PHLPP1: variants seen among roughly 807,000 people sequenced by gnomAD.
PHLPP1 encodes the protein PH domain leucine-rich repeat-containing protein phosphatase 1.
PHLPP1 carries 42 observed loss-of-function variants against 117.2 expected under a neutral mutation model. The ratio of observed to expected loss-of-function variants is 0.36; its 90% CI spans 0.28 to 0.46. PHLPP1 has a LOEUF of 0.46. Ranked by LOEUF, PHLPP1 falls within the 20% of genes least tolerant of loss-of-function variation. The pLI, the probability that PHLPP1 is intolerant of heterozygous loss-of-function variation, is 1.00. For missense variants in PHLPP1, 2,084 were observed against 2,241.9 expected, an observed-to-expected ratio of 0.93 and a Z score of 1.42; for synonymous variants, 1,042 against 970.7, an observed-to-expected ratio of 1.07 and a Z score of -1.37.
At chr18:62,868,000 C>T (rs114186063) in intron 4 of PHLPP1, among the ~76,000 whole-genome samples, 5 of 151,966 alleles carry the variant, frequency 3.3e-5, no homozygotes, top group African/African-American at 1.2e-4. Context: ...TTAGTGGAGA[C>T]AAGGTTTCAC....
At chr18:62,745,051 C>T (rs1394847708) in intron 1 of PHLPP1, among the ~76,000 whole-genome samples, 1 of 152,116 alleles carries the variant, frequency 6.6e-6, no homozygotes, top group Non-Finnish European at 1.5e-5. Flanking sequence ...TGTTTTAAAA[C>T]CTGGCATTTG....
chr18:62,947,808 A>G (rs1170633216), intron 12 of PHLPP1, among the ~76,000 whole-genome samples: 2 of 151,848 alleles, frequency 1.3e-5, no homozygotes, highest in Non-Finnish European at 2.9e-5. Context: ...CAGGTGGATC[A>G]TGAGGTCAGG....
intron 4 of PHLPP1, among the ~76,000 whole-genome samples, chr18:62,892,397 G>A (rs987335195): frequency 2.0e-5 from 3 of 151,692 alleles, no homozygotes; most frequent in African/African-American, 7.3e-5. Context: ...CCAGAGTGTC[G>A]TTGTCTTCTA....
chr18:62,814,259 C>A (rs1028290067), intron 1 of PHLPP1, among the ~76,000 whole-genome samples: 1 of 152,158 alleles, frequency 6.6e-6, no homozygotes, highest in Non-Finnish European at 1.5e-5. Context: ...TTAACCCTCC[C>A]AAATCTATTT....
intron 2 of PHLPP1, chr18:62,832,343 G>T (rs576793878): frequency 2.6e-5 from 4 of 152,204 alleles, no homozygotes; most frequent in Admixed American, 2.0e-4. Context: ...AGGGAATTTT[G>T]TAATGAAAGG....
At chr18:62,768,113 G>A (rs547860944) in intron 1 of PHLPP1, among the ~76,000 whole-genome samples, 1 of 152,178 alleles carries the variant, frequency 6.6e-6, no homozygotes, top group African/African-American at 2.4e-5. Context: ...CATTGACACT[G>A]AATTTAATTT....
chr18:62,810,103 A>G (rs1195792893), intron 1 of PHLPP1, among the ~76,000 whole-genome samples: 1 of 152,234 alleles, frequency 6.6e-6, no homozygotes, highest in Non-Finnish European at 1.5e-5. Flanking sequence ...AAGTGGTAAC[A>G]CTGGTACAGT....
chr18:62,888,365 A>G (rs1312304379), intron 4 of PHLPP1, among the ~76,000 whole-genome samples: 2 of 138,564 alleles, frequency 1.4e-5, no homozygotes, highest in Admixed American at 7.5e-5. Context: ...AAACCAGTCA[A>G]TTTTATCTTG....
chr18:62,945,295 T>G (rs755187727), intron 12 of PHLPP1, 24 bp downstream of exon 12: 1 of 1,569,620 alleles, frequency 6.4e-7, no homozygotes, highest in South Asian at 1.2e-5. Context: ...TTTCATAAAC[T>G]CTAAGCTTCA....
intron 1 of PHLPP1, among the ~76,000 whole-genome samples, chr18:62,751,940 G>A (rs1911867359): frequency 6.6e-6 from 1 of 152,174 alleles, no homozygotes; most frequent in African/African-American, 2.4e-5. Flanking sequence ...CTATTTACAA[G>A]TAGTACTAAA....
chr18:62,895,200 C>T (rs776777758), intron 5 of PHLPP1, 43 bp downstream of exon 5: 26 of 1,593,622 alleles, frequency 1.6e-5, no homozygotes, highest in Non-Finnish European at 2.2e-5. Context: ...CCAGAAGCCC[C>T]AGGGAAGCTG....
At chr18:62,843,455 A>C (rs893133486) in intron 3 of PHLPP1, among the ~76,000 whole-genome samples, 8 of 152,102 alleles carry the variant, frequency 5.3e-5, no homozygotes, top group African/African-American at 1.9e-4. Context: ...TGATTTTGGG[A>C]AAATTTATAG....
intron 10 of PHLPP1, among the ~76,000 whole-genome samples, chr18:62,924,720 C>T (rs941807567): frequency 8.9e-5 from 13 of 146,762 alleles, no homozygotes; most frequent in Admixed American, 8.3e-4. Context: ...GTGGCACACA[C>T]CTCTGGACTT....
chr18:62,874,897 G>T (rs1290368676), intron 4 of PHLPP1, among the ~76,000 whole-genome samples: 1 of 152,166 alleles, frequency 6.6e-6, no homozygotes, highest in East Asian at 1.9e-4. Flanking sequence ...AAATGACATT[G>T]AATGAAATGA....
At chr18:62,947,867 A>C (rs1910345075) in intron 12 of PHLPP1, among the ~76,000 whole-genome samples, 1 of 152,004 alleles carries the variant, frequency 6.6e-6, no homozygotes, top group African/African-American at 2.4e-5. Flanking sequence ...CTCTACTAAA[A>C]ATACAAAAAT....
At chr18:62,839,034 C>T in intron 3 of PHLPP1, 125 bp downstream of exon 3, 1 of 946,516 alleles carries the variant, frequency 1.1e-6, no homozygotes. Flanking sequence ...CAGATACTGC[C>T]AGTGATTAGC....
At chr18:62,952,114 G>A (rs113042174) in intron 12 of PHLPP1, among the ~76,000 whole-genome samples, 2 of 150,946 alleles carry the variant, frequency 1.3e-5, no homozygotes, top group Admixed American at 6.6e-5. Flanking sequence ...CACCGCGCCC[G>A]GCCATAATCA....
intron 1 of PHLPP1, among the ~76,000 whole-genome samples, chr18:62,725,652 G>T (rs569884437): frequency 6.6e-6 from 1 of 152,214 alleles, no homozygotes; most frequent in South Asian, 2.1e-4. Context: ...GAGAGAGAGA[G>T]AAAGAAATAT....
At position 62,715,947 on chromosome 18, in the gene PHLPP1, G is replaced by C; in HGVS notation, c.264G>C (p.Gly88=). 4 of 1,175,782 alleles carry C rather than the reference G, an allele frequency of 3.4e-6. No homozygotes were observed. Among genetic ancestry groups the C allele is most frequent in the Non-Finnish European group, 4.2e-6 (4 of 950,948 alleles). The allele number at this position is 1,175,782 out of a possible 1,614,324, so 72.8% of individuals were successfully genotyped here. The part of the protein sequence containing the change: ...APPGPLPGRA[G]GAGRRRRRGA... ...CGGGGCCGCTGCCGGGCAGAGCGGG[G>C]GGTGCCGGGCGCAGGAGGCGGCGCG... The change falls in exon 1 of 17, where the codon GGG becomes GGC. Residue 88 remains glycine, a synonymous_variant. Coordinates refer to ENST00000262719, the MANE Select transcript of PHLPP1 (RefSeq NM_194449.4).
Sources: gnomAD v4.1 joint callset for allele counts (sites outside exome capture counted in the v4.1 genomes callset) on GRCh38, gnomAD v4.1.1 for gene constraint, MANE v1.5 for transcripts, NCBI Gene and HGNC (gene_info 2026-07-23, HGNC 2026-07-21) for gene names.